Variants in FAM83F observed in about 807,000 individuals in gnomAD.
FAM83F encodes scaffolding CK1 anchoring protein F.
FAM83F carries 45 observed loss-of-function variants against 42.9 expected under a neutral mutation model. That is an observed-to-expected ratio of 1.05 (90% confidence interval 0.83 to 1.35). The LOEUF is 1.35. Ranked by LOEUF, FAM83F falls within the 40% of genes most tolerant of loss-of-function variation. The probability of loss-of-function intolerance (pLI) is 0.00; values close to 1 mark genes in which losing one functional copy is unlikely to be tolerated. For synonymous variants in FAM83F, 306 were observed against 298.3 expected (o/e 1.03, Z -0.27); for missense variants, 617 against 695.9 (o/e 0.89, Z 1.28).
At chr22:40,006,320 A>G (rs1306770212) in intron 1 of FAM83F, among the ~76,000 whole-genome samples, 1 of 151,784 alleles carries the variant, frequency 6.6e-6, no homozygotes, top group Non-Finnish European at 1.5e-5. Context: ...CCCAAGCCAC[A>G]TCTCAGCTCC....
At chr22:40,017,076 A>G (rs2067496130) in intron 1 of FAM83F, among the ~76,000 whole-genome samples, 1 of 152,168 alleles carries the variant, frequency 6.6e-6, no homozygotes, top group South Asian at 2.1e-4. Flanking sequence ...TGTAAGAGCT[A>G]TGAAGAACTT....
intron 1 of FAM83F, among the ~76,000 whole-genome samples, chr22:40,006,253 AAG>A (rs2067428092): frequency 6.6e-6 from 1 of 152,078 alleles, no homozygotes; most frequent in Non-Finnish European, 1.5e-5. Flanking sequence ...AAAAAAAAAA[AAG>A]ATGCTATTGC....
At chr22:40,009,825 TGTC>T (rs2067453573) in intron 1 of FAM83F, 1 of 152,216 alleles carries the variant, frequency 6.6e-6, no homozygotes, top group Non-Finnish European at 1.5e-5. Context: ...GGAGCCCTCT[TGTC>T]GTTTTTGTTA....
chr22:40,014,131 C>CTTTTTTTTTTTTTTTTTTTTTTTTTT (rs57224519), intron 1 of FAM83F, among the ~76,000 whole-genome samples: 7 of 116,812 alleles, frequency 6.0e-5, no homozygotes, highest in African/African-American at 1.7e-4. Context: ...TATTTCTTTT[C>CTTTTTTTTTTTTTTTTTTTTTTTTTT]TTTTTTTTTT....
chr22:40,020,052 C>T, intron 3 of FAM83F, 44 bp downstream of exon 3: 1 of 1,577,392 alleles, frequency 6.3e-7, no homozygotes, highest in Non-Finnish European at 8.6e-7. Flanking sequence ...GGCCTTGATT[C>T]CAGGTAGGTG....
At chr22:40,010,060 A>G (rs1384510207) in intron 1 of FAM83F, 2 of 152,244 alleles carry the variant, frequency 1.3e-5, no homozygotes, top group Admixed American at 6.5e-5. Flanking sequence ...GCGACAGCTT[A>G]TAGAAACTGC....
chr22:39,998,804 G>A (rs781386250), intron 1 of FAM83F: 1 of 152,128 alleles, frequency 6.6e-6, no homozygotes, highest in Non-Finnish European at 1.5e-5. Flanking sequence ...AGGCAGAAAG[G>A]GCATCTTTAG....
At chr22:40,014,284 T>G (rs891564853) in intron 1 of FAM83F, among the ~76,000 whole-genome samples, 1 of 152,138 alleles carries the variant, frequency 6.6e-6, no homozygotes, top group African/African-American at 2.4e-5. Flanking sequence ...ATGTGGGTTT[T>G]TGGTAGATAG....
intron 1 of FAM83F, among the ~76,000 whole-genome samples, chr22:40,004,881 AC>A (rs1442741436): frequency 6.6e-6 from 1 of 152,224 alleles, no homozygotes; most frequent in Non-Finnish European, 1.5e-5. Flanking sequence ...AGGCTTGTGC[AC>A]CTGTACTGAG....
At chr22:40,010,105 G>C (rs897918472) in intron 1 of FAM83F, 1 of 152,240 alleles carries the variant, frequency 6.6e-6, no homozygotes, top group African/African-American at 2.4e-5. Flanking sequence ...CCCAGGCATT[G>C]CACGTCAGTA....
At chr22:40,020,309 G>C (rs961055041) in intron 3 of FAM83F, among the ~76,000 whole-genome samples, 1 of 151,566 alleles carries the variant, frequency 6.6e-6, no homozygotes, top group African/African-American at 2.4e-5. Flanking sequence ...GGATGCACCA[G>C]ATCTGGAAAG....
At chr22:40,017,864 G>A (rs2067500157) in intron 1 of FAM83F, among the ~76,000 whole-genome samples, 1 of 152,186 alleles carries the variant, frequency 6.6e-6, no homozygotes, top group African/African-American at 2.4e-5. Context: ...GTCTCATTAA[G>A]GTTAAGTGAC....
In FAM83F at chr22:40,028,262, T is replaced by A. The variant is rs185218224; in HGVS notation, c.1454-1254T>A. On this transcript the variant is annotated intron_variant, in intron 4 of 4. Transcript: ENST00000333407. ...CCTGGATGGATGAGGCCCGAGGCCG[T>A]GGGTCACAGTGCAGTGGGCAGGAGC... Among the ~76,000 whole-genome samples the A allele has an allele frequency of 2.8e-3, 423 of 152,238 alleles. 1 individual carries two copies. The highest frequency in any genetic ancestry group is 9.9e-3 in the African/African-American group (413 of 41,532).
At position 40,021,547 on chromosome 22, in the gene FAM83F, G is replaced by A. The variant is rs201378321; in HGVS notation, c.1037G>A (p.Arg346Gln). ...GGGGAGATGATGCGCTGGGCTGCCCGGCAACAGCGGGAGGCGGGCGGCAAC... is the reference window on the plus strand; with the variant it reads ...GGGGAGATGATGCGCTGGGCTGCCCAGCAACAGCGGGAGGCGGGCGGCAAC... ...PPGEMMRWAA[R>Q]QQREAGGNPE... The change falls in exon 4 of 5, where the codon CGG (arginine) becomes CAG (glutamine). Residue 346 changes from arginine to glutamine, a missense_variant. Arg to Gln is a conservative substitution (Grantham distance 43). Transcript: ENST00000333407. The surrounding 1 kb of genome is among the most constrained non-coding windows in gnomAD (Gnocchi z 8.7). The A allele has an allele frequency of 2.7e-5, 43 of 1,563,700 alleles. No individual in the cohort carries two copies. In the Admixed American group the frequency reaches 3.6e-4, roughly 13 times the overall value.
rs1211913946 is a variant in FAM83F, at chr22:40,020,016, G to A, written c.779+8G>A. 1.8e-5 allele frequency: 29 copies of A among 1,608,664 alleles called. No individual in the cohort carries two copies. Among genetic ancestry groups the A allele is most frequent in the Middle Eastern group, 1.7e-4 (1 of 6,058 alleles). On this transcript the variant is annotated splice_region_variant and intron_variant, in intron 3 of 4. Transcript: ENST00000333407. Reference sequence around the variant, plus strand: ...GGCCACTGGATCTTACAGGTGAGTTGGGCCGGATCAAAGAAGGGCCCAGGA... The same window carrying A: ...GGCCACTGGATCTTACAGGTGAGTTAGGCCGGATCAAAGAAGGGCCCAGGA...
intron 1 of FAM83F, among the ~76,000 whole-genome samples, chr22:40,000,484 C>T (rs955467623): frequency 2.0e-5 from 3 of 152,180 alleles, no homozygotes; most frequent in South Asian, 2.1e-4. Context: ...TGGAGCCTAC[C>T]GTCTTTCCCC....
rs926723697 is a variant in FAM83F, at chr22:40,002,218, G to C, written c.489+6687G>C. The stretch of plus-strand genomic sequence containing the variant: ...CCTGAAGGGCCAGACTGCTGCACAG[G>C]CCCAGCCCAGAGAGCCCCAGGGCAG... On this transcript the variant is annotated intron_variant, in intron 1 of 4. Transcript: ENST00000333407. Among the ~76,000 whole-genome samples, 4 of 152,316 alleles carry C rather than the reference G, an allele frequency of 2.6e-5. 1 individual carries two copies. In the East Asian group the frequency reaches 5.8e-4, roughly 22 times the overall value.
intron 4 of FAM83F, among the ~76,000 whole-genome samples, chr22:40,026,118 G>T (rs541280127): frequency 6.6e-6 from 1 of 152,200 alleles, no homozygotes; most frequent in Non-Finnish European, 1.5e-5. Context: ...CCCTGTGTCC[G>T]TGGCTGCCCA....
At chr22:39,999,686 A>C (rs544094314) in intron 1 of FAM83F, among the ~76,000 whole-genome samples, 2 of 152,298 alleles carry the variant, frequency 1.3e-5, no homozygotes, top group Admixed American at 1.3e-4. Context: ...CAGTGACCCC[A>C]TGTGGATTGT....
Sources: gnomAD v4.1 joint callset for allele counts (sites outside exome capture counted in the v4.1 genomes callset) on GRCh38, gnomAD v4.1.1 for gene constraint, Gnocchi (gnomAD v3.1) non-coding constraint, MANE v1.5 for transcripts, NCBI Gene and HGNC (gene_info 2026-07-23, HGNC 2026-07-21) for gene names.